Variants in UNC93A observed in about 807,000 individuals in gnomAD.
UNC93A encodes unc-93 homolog A.
In UNC93A, 43 loss-of-function variants were observed where a neutral mutation model predicts 47.5. The observed-to-expected ratio is 0.91, with a 90% confidence interval of 0.71 to 1.17. The LOEUF (loss-of-function observed/expected upper bound fraction) is 1.17, where lower values mean the gene tolerates loss of function less well. UNC93A is among the 50% of genes most tolerant of loss of function. The pLI, the probability that UNC93A is intolerant of heterozygous loss-of-function variation, is 0.00. For synonymous variants in UNC93A, 280 were observed against 258.0 expected (o/e 1.09, Z -0.82); for missense variants, 605 against 577.6 (o/e 1.05, Z -0.49).
At chr6:167,277,596 G>A (rs764837511) in intron 1 of UNC93A, among the ~76,000 whole-genome samples, 27 of 152,078 alleles carry the variant, frequency 1.8e-4, no homozygotes, top group Non-Finnish European at 5.9e-5. Context: ...TGTCTCCACC[G>A]TTCTCTGGCT....
rs1436049961 is a variant in UNC93A, at chr6:167,315,529, G to C, written c.*77G>C. ...TTCTTAGAAGATGCCTCAGGACATA[G>C]AGCGGCTCCTCATCACCATCTCAGC... On this transcript the variant is annotated 3_prime_UTR_variant, in exon 8 of 8. Transcript: ENST00000230256. The C allele has an allele frequency of 1.2e-6, 2 of 1,607,580 alleles. No homozygotes were observed. Among genetic ancestry groups the C allele is most frequent in the Non-Finnish European group, 1.7e-6 (2 of 1,177,612 alleles).
upstream of UNC93A, among the ~76,000 whole-genome samples, chr6:167,288,767 A>T (rs1035824340): frequency 8.5e-5 from 13 of 152,190 alleles, no homozygotes; most frequent in African/African-American, 3.1e-4. Flanking sequence ...TTGGTGATTT[A>T]CAAGGTGATT....
At chr6:167,304,556 G>GT (rs67933171) in intron 5 of UNC93A, among the ~76,000 whole-genome samples, 55,777 of 149,884 alleles carry the variant, frequency 0.37, 10,351 homozygotes, top group South Asian at 0.44. Flanking sequence ...TATCTCTCTA[G>GT]TTTTTTTTTT....
chr6:167,314,266 A>T (rs777786411), intron 7 of UNC93A, among the ~76,000 whole-genome samples: 2 of 152,170 alleles, frequency 1.3e-5, no homozygotes, highest in African/African-American at 2.4e-5. Flanking sequence ...CATGGAGTTT[A>T]CAAAATTAAA....
chr6:167,275,750 T>C (rs1783528623), intron 1 of UNC93A, among the ~76,000 whole-genome samples: 1 of 152,236 alleles, frequency 6.6e-6, no homozygotes, highest in Admixed American at 6.5e-5. Context: ...CTTTCATCTG[T>C]GTCCAGCTCA....
At chr6:167,272,047 C>T (rs1783459261) in intron 1 of UNC93A, among the ~76,000 whole-genome samples, 1 of 152,204 alleles carries the variant, frequency 6.6e-6, no homozygotes, top group East Asian at 1.9e-4. Flanking sequence ...GGAGTGGGGA[C>T]ACCTTCACTA....
Position 167,294,632 on chromosome 6 carries a change from A to T in UNC93A, c.203A>T (p.Lys68Met). 6.2e-7 allele frequency: 1 copy of T among 1,613,412 alleles called. No individual in the cohort carries two copies. Among genetic ancestry groups the T allele is most frequent in the Non-Finnish European group, 8.5e-7 (1 of 1,179,606 alleles). ...CTCCTCATCGAGAGGCTGGGCTGCA[A>T]GGGGACCATCATCCTCTCCATGTGT... Reference protein sequence around the residue: ...PPLLIERLGCKGTIILSMCGY... With the variant: ...PPLLIERLGCMGTIILSMCGY... Residue 68 changes from lysine (K) to methionine (M), a missense_variant, in exon 2 of 8, where the codon AAG becomes ATG. Lys to Met is a moderately conservative substitution (Grantham distance 95). Coordinates refer to ENST00000230256, the MANE Select transcript of UNC93A (RefSeq NM_018974.4).
chr6:167,275,720 G>A (rs1256564638), intron 1 of UNC93A, among the ~76,000 whole-genome samples: 3 of 152,236 alleles, frequency 2.0e-5, no homozygotes, highest in African/African-American at 7.2e-5. Flanking sequence ...GCACAGACAG[G>A]ATGCTGGGTC....
At position 167,298,008 on chromosome 6, in the gene UNC93A, C is replaced by T; in HGVS notation, c.563C>T (p.Thr188Ile). 1 of 1,614,146 alleles carries T rather than the reference C, an allele frequency of 6.2e-7. No homozygotes were observed. ...AGTGACTGCCTGATGGCCACCACAACCACCAACAGCACCCAGAGGCCCTCC... is the reference window on the plus strand; with the variant it reads ...AGTGACTGCCTGATGGCCACCACAATCACCAACAGCACCCAGAGGCCCTCC... Reference protein sequence around the residue: ...GASDCLMATTTTNSTQRPSQQ... With the variant: ...GASDCLMATTITNSTQRPSQQ... Residue 188 changes from threonine (T) to isoleucine (I), a missense_variant, in exon 4 of 8, where the codon ACC becomes ATC. Physicochemically the swap from Thr to Ile is moderately conservative, Grantham distance 89. Transcript: ENST00000230256.
chr6:167,290,089 A>G (rs993157816), upstream of UNC93A, among the ~76,000 whole-genome samples: 3 of 152,192 alleles, frequency 2.0e-5, no homozygotes, highest in African/African-American at 7.2e-5. Context: ...TCCTTTTTAA[A>G]GAGGAAACAG....
chr6:167,276,059 C>CTTTTTTTTTTTTTTT, intron 1 of UNC93A, among the ~76,000 whole-genome samples: 2 of 132,336 alleles, frequency 1.5e-5, no homozygotes, highest in Non-Finnish European at 3.1e-5. Context: ...TTTTTCTTTT[C>CTTTTTTTTTTTTTTT]TTTTCTTTTT....
In UNC93A at chr6:167,304,143, A is replaced by T. The variant is rs1689784432; in HGVS notation, c.840+10A>T. On this transcript the variant is annotated intron_variant, in intron 5 of 7. Coordinates refer to ENST00000230256, the MANE Select transcript of UNC93A (RefSeq NM_018974.4). The stretch of plus-strand genomic sequence containing the variant: ...CAGCGAATACACAAGGGTATGAACG[A>T]AAGTGAGGGCCGGTGGCTCAGGCCA... 5 of 1,613,936 alleles carry T rather than the reference A, an allele frequency of 3.1e-6. No homozygotes were observed. In the African/African-American group the frequency reaches 6.7e-5, roughly 22 times the overall value.
upstream of UNC93A, among the ~76,000 whole-genome samples, chr6:167,287,683 G>T (rs1783761537): frequency 7.8e-6 from 1 of 127,460 alleles, no homozygotes; most frequent in Non-Finnish European, 1.7e-5. Context: ...AAAATAAAAA[G>T]GGTGTGTGTG....
chr6:167,304,122 G>A lies in UNC93A; in HGVS notation c.829G>A (p.Glu277Lys), dbSNP rs753815458. The change falls in exon 5 of 8, where the codon GAA becomes AAA. Residue 277 changes from glutamate to lysine, a missense_variant. Physicochemically the swap from Glu to Lys is moderately conservative, Grantham distance 56 (BLOSUM62 1). Coordinates refer to ENST00000230256, the MANE Select transcript of UNC93A (RefSeq NM_018974.4). ...ATTGCAGCAAGGATTCCTCTCCAGCGAATACACAAGGGTATGAACGAAAGT... is the reference window on the plus strand; with the variant it reads ...ATTGCAGCAAGGATTCCTCTCCAGCAAATACACAAGGGTATGAACGAAAGT... Reference protein sequence around the residue: ...SGLQQGFLSSEYTRSYVTCTL... With the variant: ...SGLQQGFLSSKYTRSYVTCTL... 8 of 1,614,148 alleles carry A rather than the reference G, an allele frequency of 5.0e-6. No individual in the cohort carries two copies. Among genetic ancestry groups the A allele is most frequent in the Non-Finnish European group, 6.8e-6 (8 of 1,180,044 alleles).
At chr6:167,294,383 A>G in intron 1 of UNC93A, 134 bp from the exon 2 acceptor site, 1 of 1,009,096 alleles carries the variant, frequency 9.9e-7, no homozygotes, top group East Asian at 2.6e-5. Flanking sequence ...GGAGGCTCCC[A>G]GGGCAGCAAG....
chr6:167,273,809 G>A (rs1783492715), intron 1 of UNC93A, among the ~76,000 whole-genome samples: 1 of 150,862 alleles, frequency 6.6e-6, no homozygotes, highest in Non-Finnish European at 1.5e-5. Context: ...GGTTGAAAGA[G>A]TTCATCTAAA....
At chr6:167,285,938 T>TTCTTTCTCTC (rs1554237635) in intron 1 of UNC93A, among the ~76,000 whole-genome samples, 1 of 131,744 alleles carries the variant, frequency 7.6e-6, no homozygotes, top group African/African-American at 3.0e-5. Flanking sequence ...TTAGTTTTCT[T>TTCTTTCTCTC]TCTCTCTCTC....
chr6:167,303,786 T>A, intron 4 of UNC93A, 133 bp from the exon 5 acceptor site: 1 of 796,654 alleles, frequency 1.3e-6, no homozygotes, highest in Middle Eastern at 3.7e-4. Context: ...ATGTTGTGTC[T>A]AATGTCGCCT....
chr6:167,305,422 G>A (rs74760838), intron 5 of UNC93A, among the ~76,000 whole-genome samples: 3,056 of 152,262 alleles, frequency 0.02, 99 homozygotes, highest in African/African-American at 0.066. Flanking sequence ...CCTGTTCTGC[G>A]TGCCCGCCCT....
Sources: gnomAD v4.1 joint callset for allele counts (sites outside exome capture counted in the v4.1 genomes callset) on GRCh38, gnomAD v4.1.1 for gene constraint, MANE v1.5 for transcripts, NCBI Gene and HGNC (gene_info 2026-07-23, HGNC 2026-07-21) for gene names.